The following EFCAB5 variants were observed in gnomAD, a reference collection of about 807,000 sequenced individuals.
EFCAB5 encodes the protein EF-hand calcium-binding domain-containing protein 5.
A neutral mutation model predicts 167.9 loss-of-function variants in EFCAB5; 131 were observed. That is an observed-to-expected ratio of 0.78 (90% CI 0.68 to 0.90). The LOEUF is 0.90. EFCAB5 is among the 40% of genes least tolerant of loss of function. EFCAB5 has a pLI of 0.00. For missense variants in EFCAB5, 1,663 were observed against 1,745.2 expected, an observed-to-expected ratio of 0.95 and a Z score of 0.84; for synonymous variants, 574 against 602.8, an observed-to-expected ratio of 0.95 and a Z score of 0.70.
chr17:30,061,937 A>G (rs1047550439), intron 14 of EFCAB5, among the ~76,000 whole-genome samples: 4 of 152,324 alleles, frequency 2.6e-5, no homozygotes, highest in South Asian at 4.1e-4. Flanking sequence ...ATAAAAAGCT[A>G]TAGAACATGT....
intron 6 of EFCAB5, 22 bp downstream of exon 6, chr17:29,996,382 A>ATATTTT (rs1325777242): frequency 6.5e-7 from 1 of 1,527,320 alleles, no homozygotes; most frequent in Non-Finnish European, 8.8e-7. Context: ...TATTACTCTG[A>ATATTTT]TATTTTTATT....
At chr17:30,034,192 T>G (rs768825413) in intron 7 of EFCAB5, 38 bp from the exon 8 acceptor site, 1 of 1,605,826 alleles carries the variant, frequency 6.2e-7, no homozygotes, top group Non-Finnish European at 8.5e-7. Context: ...GAGCATGGTT[T>G]TAAGTCAATC....
intron 3 of EFCAB5, among the ~76,000 whole-genome samples, chr17:29,962,677 A>G (rs920082765): frequency 5.9e-5 from 7 of 119,196 alleles, no homozygotes; most frequent in Non-Finnish European, 1.0e-4. Flanking sequence ...ATGTTGCCCT[A>G]TTGAATTTGT....
chr17:30,054,297 G>T, intron 10 of EFCAB5, 149 bp downstream of exon 10: 3 of 942,496 alleles, frequency 3.2e-6, no homozygotes, highest in African/African-American at 1.7e-5. Flanking sequence ...CTCCACATTA[G>T]TCTAGACCTT....
intron 8 of EFCAB5, among the ~76,000 whole-genome samples, chr17:30,037,550 C>T (rs2069660009): frequency 6.6e-6 from 1 of 152,084 alleles, no homozygotes; most frequent in African/African-American, 2.4e-5. Flanking sequence ...CATGGAATCA[C>T]TATATACTCA....
intron 3 of EFCAB5, 91 bp downstream of exon 3, chr17:29,943,740 G>A (rs1490852440): frequency 1.7e-5 from 19 of 1,093,854 alleles, no homozygotes; most frequent in Middle Eastern, 2.2e-4. Flanking sequence ...TTGGGAGGCC[G>A]AGGCGGGTGG....
Position 29,969,107 on chromosome 17 carries a change from T to A in EFCAB5, c.507T>A (p.Asn169Lys). Residue 169 changes from asparagine to lysine, a missense_variant, in exon 4 of 23, where the codon AAT becomes AAA. Coordinates refer to ENST00000394835, the MANE Select transcript of EFCAB5 (RefSeq NM_198529.4). Reference sequence around the variant, plus strand: ...TTAATACTGACAGCATGACACTGAATAATACTGCATATTTGCTTGACAAAC... The same window carrying A: ...TTAATACTGACAGCATGACACTGAAAAATACTGCATATTTGCTTGACAAAC... The part of the protein sequence containing the change: ...EWFNTDSMTL[N>K]NTAYLLDKLL... The A allele has an allele frequency of 6.2e-7, 1 of 1,613,808 alleles. No homozygotes were observed. Among genetic ancestry groups the A allele is most frequent in the Non-Finnish European group, 8.5e-7 (1 of 1,179,806 alleles).
At chr17:30,040,868 T>C (rs2069751204) in intron 8 of EFCAB5, among the ~76,000 whole-genome samples, 1 of 152,244 alleles carries the variant, frequency 6.6e-6, no homozygotes. Flanking sequence ...GCTCATAGCT[T>C]ATGCCCCTTC....
At chr17:30,069,425 C>G (rs1209659441) in intron 14 of EFCAB5, 2 of 1,538,438 alleles carry the variant, frequency 1.3e-6, no homozygotes, top group Non-Finnish European at 1.8e-6. Flanking sequence ...TTCCAGACTT[C>G]AAGAGATATT....
chr17:30,089,303 C>T (rs2071149453), intron 19 of EFCAB5, among the ~76,000 whole-genome samples: 1 of 152,092 alleles, frequency 6.6e-6, no homozygotes, highest in Non-Finnish European at 1.5e-5. Flanking sequence ...TACTATGGCA[C>T]TCATCGAGAC....
Position 29,970,671 on chromosome 17 carries a change from C to CACACAT in EFCAB5, c.767+1309_767+1310insTACACA, listed in dbSNP as rs1555550719. ...ACACACACACACACACACACACATA[C>CACACAT]ACACACACACACACACACACACCAG... On this transcript the variant is annotated intron_variant, in intron 4 of 22. Coordinates refer to ENST00000394835, the MANE Select transcript of EFCAB5 (RefSeq NM_198529.4). 5.9e-3 allele frequency among the ~76,000 whole-genome samples: 832 copies of CACACAT among 140,210 alleles called. 3 individuals are homozygous for CACACAT. The highest frequency in any genetic ancestry group is 0.026 in the East Asian group (124 of 4,750). 92.0% of individuals were successfully genotyped at this position (140,210 alleles called of 152,430 possible). A position where few individuals can be genotyped will look rare whatever the true frequency, so the allele number is the denominator to read the frequency against.
At chr17:30,104,029 A>G (rs2071414327) in intron 22 of EFCAB5, among the ~76,000 whole-genome samples, 1 of 152,142 alleles carries the variant, frequency 6.6e-6, no homozygotes, top group African/African-American at 2.4e-5. Flanking sequence ...AAAGAAAAGA[A>G]ATTTGCATAC....
intron 7 of EFCAB5, among the ~76,000 whole-genome samples, chr17:30,004,004 T>C (rs935147992): frequency 1.3e-5 from 2 of 152,208 alleles, no homozygotes; most frequent in Non-Finnish European, 2.9e-5. Flanking sequence ...ATGGATTTAT[T>C]AGGCAAAAAG....
Position 29,999,964 on chromosome 17 carries a change from G to A in EFCAB5, c.1032G>A (p.Met344Ile), listed in dbSNP as rs933783275. 6.4e-7 allele frequency: 1 copy of A among 1,571,858 alleles called. No homozygotes were observed. Among genetic ancestry groups the A allele is most frequent in the Admixed American group, 1.8e-5 (1 of 55,066 alleles). ...TDSTEPRLNK[M>I]EFTEYISSHI... Reference sequence around the variant, plus strand: ...CAACAGAACCAAGATTGAACAAAATGGAATTTACAGAAGTAAGAGTTACAT... The same window carrying A: ...CAACAGAACCAAGATTGAACAAAATAGAATTTACAGAAGTAAGAGTTACAT... The change falls in exon 7 of 23, where the codon ATG becomes ATA. Residue 344 changes from methionine to isoleucine, a missense_variant. Physicochemically the swap from Met to Ile is conservative, Grantham distance 10 (BLOSUM62 1). Transcript: ENST00000394835.
intron 1 of EFCAB5, chr17:29,929,925 AG>A: frequency 1.3e-6 from 2 of 1,590,590 alleles, no homozygotes; most frequent in Non-Finnish European, 1.7e-6. Context: ...AGCGGCCGCC[AG>A]GAAGGACTCA....
In EFCAB5 at chr17:30,080,552, T is replaced by TC. The variant is rs1229095648; in HGVS notation, c.3198-201_3198-200insC. ...TTTCTATGTCCACATCCAAGCTTGT[T>TC]TTTTTTTTTTTTGTTTGTTTGTTTT... On this transcript the variant is annotated intron_variant, in intron 16 of 22. Coordinates refer to ENST00000394835, the MANE Select transcript of EFCAB5 (RefSeq NM_198529.4). Among the ~76,000 whole-genome samples, 4 of 34,734 alleles carry TC rather than the reference T, an allele frequency of 1.2e-4. No homozygotes were observed. In the South Asian group the frequency reaches 2.0e-3, roughly 17 times the overall value. 22.8% of individuals were successfully genotyped at this position (34,734 alleles called of 152,430 possible).
intron 3 of EFCAB5, among the ~76,000 whole-genome samples, chr17:29,944,022 G>A (rs1332773433): frequency 6.6e-6 from 1 of 152,062 alleles, no homozygotes; most frequent in Non-Finnish European, 1.5e-5. Flanking sequence ...ACATTTTACT[G>A]GGGATGCGTT....
At chr17:30,105,523 CAGAA>C (rs769723264) in intron 22 of EFCAB5, among the ~76,000 whole-genome samples, 1 of 152,030 alleles carries the variant, frequency 6.6e-6, no homozygotes, top group South Asian at 2.1e-4. Context: ...AAACAAAAAA[CAGAA>C]AGAGAGATGA....
intron 1 of EFCAB5, among the ~76,000 whole-genome samples, chr17:29,932,548 C>T (rs531427914): frequency 1.3e-5 from 2 of 150,672 alleles, no homozygotes; most frequent in African/African-American, 2.4e-5. Context: ...CTCCACCTCC[C>T]GGGTTCAAGC....
Sources: gnomAD v4.1 joint callset for allele counts (sites outside exome capture counted in the v4.1 genomes callset) on GRCh38, gnomAD v4.1.1 for gene constraint, MANE v1.5 for transcripts, NCBI Gene and HGNC (gene_info 2026-07-23, HGNC 2026-07-21) for gene names.